Variants in AHDC1 observed in about 807,000 individuals in gnomAD.
The protein encoded by AHDC1 is transcription factor Gibbin.
Under a neutral mutation model 87.9 loss-of-function variants are expected in AHDC1, and 7 were observed. The observed-to-expected ratio is 0.08, with a 90% CI of 0.05 to 0.15. The LOEUF is 0.15. Among genes scored for constraint, AHDC1 ranks in the 10% least tolerant of loss-of-function variants. The pLI, the probability that AHDC1 is intolerant of heterozygous loss-of-function variation, is 1.00. For missense variants in AHDC1, 1,841 were observed against 2,253.2 expected (o/e 0.82, Z 3.70); for synonymous variants, 1,051 against 1,006.8 (o/e 1.04, Z -0.83).
At chr1:27,571,182 G>C (rs894465474) in intron 3 of AHDC1, among the ~76,000 whole-genome samples, 8 of 152,272 alleles carry the variant, frequency 5.3e-5, no homozygotes, top group African/African-American at 1.7e-4. Flanking sequence ...AGGGTATCCA[G>C]AAAGTCCCCA....
chr1:27,559,011 A>C, intron 3 of AHDC1, 128 bp from the exon 4 acceptor site: 49 of 393,824 alleles, frequency 1.2e-4, no homozygotes, highest in Middle Eastern at 6.4e-4. Context: ...CTCCAACCTC[A>C]TCGCATTATC....
Position 27,550,311 on chromosome 1 carries a change from G to A in AHDC1, c.1805C>T (p.Ala602Val), listed in dbSNP as rs1480115188. The change falls in exon 8 of 9, where the codon GCA becomes GTA. Residue 602 changes from alanine (A) to valine (V), a missense_variant. Transcript: ENST00000673934. ...QKLASPQPSYAADANDSKAEY... is the reference protein window; with the variant it reads ...QKLASPQPSYVADANDSKAEY... ...GGCCTTGCTGTCGTTGGCGTCTGCT[G>A]CATAGGATGGCTGGGGAGATGCCAG... 4 of 1,614,114 alleles carry A rather than the reference G, an allele frequency of 2.5e-6. No individual in the cohort carries two copies. Among genetic ancestry groups the A allele is most frequent in the Non-Finnish European group, 3.4e-6 (4 of 1,179,984 alleles).
At chr1:27,599,623 G>C (rs1389565492) in intron 3 of AHDC1, among the ~76,000 whole-genome samples, 1 of 152,200 alleles carries the variant, frequency 6.6e-6, no homozygotes, top group Non-Finnish European at 1.5e-5. Flanking sequence ...CGTCAAACAA[G>C]TGGGGGGCGT....
chr1:27,568,607 C>T (rs1315269201), intron 3 of AHDC1, among the ~76,000 whole-genome samples: 1 of 152,074 alleles, frequency 6.6e-6, no homozygotes, highest in Non-Finnish European at 1.5e-5. Flanking sequence ...CCGCGCGGGC[C>T]GGGCTCCCGG....
At chr1:27,602,718 T>C (rs2148511453) in intron 3 of AHDC1, among the ~76,000 whole-genome samples, 1 of 152,250 alleles carries the variant, frequency 6.6e-6, no homozygotes, top group South Asian at 2.1e-4. Flanking sequence ...CGATTATTTA[T>C]TTATTTATGC....
intron 3 of AHDC1, among the ~76,000 whole-genome samples, chr1:27,601,062 C>T (rs907364792): frequency 3.9e-5 from 6 of 152,206 alleles, no homozygotes; most frequent in African/African-American, 1.4e-4. Context: ...AAACAGCAAG[C>T]TCTTTTTCTT....
intron 3 of AHDC1, among the ~76,000 whole-genome samples, chr1:27,600,224 A>G (rs1473278023): frequency 1.3e-5 from 2 of 151,324 alleles, no homozygotes; most frequent in Admixed American, 6.6e-5. Context: ...ATTAGCAACA[A>G]TGTTACCCTT....
chr1:27,575,470 C>A (rs986599220), intron 3 of AHDC1, among the ~76,000 whole-genome samples: 1 of 152,120 alleles, frequency 6.6e-6, no homozygotes, highest in Non-Finnish European at 1.5e-5. Context: ...GGTCTCCCCC[C>A]ACCACCCTCG....
In AHDC1 at chr1:27,590,879, G is replaced by T. The variant is rs1410183271; in HGVS notation, c.-629+12518C>A. ...GCTGGAGGGAGTGGGGAACAGGCAG[G>T]TGGGCTCCCTCAACCCCCAGCACCT... is the stretch of plus-strand genomic sequence containing the variant. On this transcript the variant is annotated intron_variant, in intron 3 of 8. Coordinates refer to ENST00000673934, the MANE Select transcript of AHDC1 (RefSeq NM_001371928.1). The surrounding 1 kb of genome is among the most constrained non-coding windows in gnomAD (Gnocchi z 5.4). 6.6e-6 allele frequency among the ~76,000 whole-genome samples: 1 copy of T among 152,206 alleles called. No individual in the cohort carries two copies. Among genetic ancestry groups the T allele is most frequent in the Non-Finnish European group, 1.5e-5 (1 of 68,024 alleles).
At chr1:27,568,706 G>A (rs1474658531) in intron 3 of AHDC1, among the ~76,000 whole-genome samples, 1 of 151,826 alleles carries the variant, frequency 6.6e-6, no homozygotes, top group Admixed American at 6.6e-5. Flanking sequence ...CCCGGCCGCG[G>A]CGCGGGTGCC....
chr1:27,547,670 C>A lies in AHDC1; in HGVS notation c.4446G>T (p.Lys1482Asn). The A allele has an allele frequency of 6.3e-7, 1 of 1,596,086 alleles. No homozygotes were observed. Among genetic ancestry groups the A allele is most frequent in the East Asian group, 2.3e-5 (1 of 44,084 alleles). Reference protein sequence around the residue: ...SAARSPPYEGKVGTGLLADFL... With the variant: ...SAARSPPYEGNVGTGLLADFL... ...AGTCAGCCAGCAGCCCTGTACCCAC[C>A]TTGCCTTCATAGGGCGGGCTGCGGG... The change falls in exon 8 of 9, where the codon AAG becomes AAT. Residue 1482 changes from lysine (K) to asparagine (N), a missense_variant. Lys to Asn is a moderately conservative substitution (Grantham distance 94). This residue lies in a region of AHDC1 where 505 missense variants were observed against 626.2 expected (regional missense o/e 0.81). Transcript: ENST00000673934. The surrounding 1 kb of genome is among the most constrained non-coding windows in gnomAD (Gnocchi z 4.9).
rs1195913812 is a variant in AHDC1, at chr1:27,534,261, GTTTTTTT to G, written c.*692_*698del. On this transcript the variant is annotated 3_prime_UTR_variant, in exon 9 of 9. Coordinates refer to ENST00000673934, the MANE Select transcript of AHDC1 (RefSeq NM_001371928.1). ...GACACAAGGTTGGTTTTTTTTTTTT[GTTTTTTT>G]TTTGTTTTTTTTTTGCTTTTTTTCA... 6.7e-5 allele frequency: 6 copies of G among 89,676 alleles called. No individual in the cohort carries two copies. The South Asian group carries it at 1.1e-3, about 16-fold the overall frequency. The allele number at this position is 89,676 out of a possible 1,614,324, so 5.6% of individuals were successfully genotyped here.
At position 27,550,165 on chromosome 1, in the gene AHDC1, CG is replaced by C; in HGVS notation, c.1950del (p.Asp651ThrfsTer81). The C allele has an allele frequency of 1.2e-6, 2 of 1,611,368 alleles. No individual in the cohort carries two copies. The highest frequency in any genetic ancestry group is 8.5e-7 in the Non-Finnish European group (1 of 1,179,858). ...PSEPESVHQA[P>X]DTQSISHFLH... ...AGGAAGTGGGAGATGCTCTGGGTGT[CG>C]GGGGCCTGGTGCACCGACTCCGGCT... is the stretch of plus-strand genomic sequence containing the variant. On this transcript the variant is annotated frameshift_variant, in exon 8 of 9. Coordinates refer to ENST00000673934, the MANE Select transcript of AHDC1 (RefSeq NM_001371928.1). LOFTEE classifies it high-confidence loss of function.
Position 27,549,295 on chromosome 1 carries a change from C to G in AHDC1, c.2821G>C (p.Ala941Pro). ...GGCACCAGCTTGGGGAAGGTCTCGG[C>G]TGCCCGGCAGTCTGAAGCGGCTGGA... ...LTPAASDCRA[A>P]ETFPKLVPPP... The change falls in exon 8 of 9, where the codon GCC becomes CCC. Residue 941 changes from alanine (A) to proline (P), a missense_variant. By Grantham distance (27) the Ala-to-Pro change is conservative. This residue lies in a region of AHDC1 where 378 missense variants were observed against 399.0 expected (regional missense o/e 0.95). Transcript: ENST00000673934. The G allele has an allele frequency of 6.2e-7, 1 of 1,604,502 alleles. No individual in the cohort carries two copies. Among genetic ancestry groups the G allele is most frequent in the Non-Finnish European group, 8.5e-7 (1 of 1,173,452 alleles).
intron 3 of AHDC1, among the ~76,000 whole-genome samples, chr1:27,573,613 G>A (rs546542535): frequency 1.1e-3 from 168 of 152,272 alleles, no homozygotes; most frequent in Non-Finnish European, 1.7e-3. Flanking sequence ...AGAGCTGGTG[G>A]ATGCTCATTC....
rs550990649 is a variant in AHDC1 at position 27,571,407 on chromosome 1, G to A, written c.-628-12524C>T. Among the ~76,000 whole-genome samples the A allele has an allele frequency of 1.9e-4, 29 of 152,278 alleles. No homozygotes were observed. In the South Asian group the frequency reaches 3.9e-3, roughly 21 times the overall value. On this transcript the variant is annotated intron_variant, in intron 3 of 8. Coordinates refer to ENST00000673934, the MANE Select transcript of AHDC1 (RefSeq NM_001371928.1). ...CAGGCTGGGACAAAGAGCCTGGAGC[G>A]GAGCAGAACCCTGAGCTGCAGCAGG... is the stretch of plus-strand genomic sequence containing the variant.
At chr1:27,541,864 A>G (rs1387379943) in intron 8 of AHDC1, among the ~76,000 whole-genome samples, 3 of 152,210 alleles carry the variant, frequency 2.0e-5, no homozygotes, top group Admixed American at 2.0e-4. Flanking sequence ...TCCCAACCTC[A>G]GGTGATCCTC....
At chr1:27,573,409 C>A (rs1268847111) in intron 3 of AHDC1, among the ~76,000 whole-genome samples, 1 of 152,162 alleles carries the variant, frequency 6.6e-6, no homozygotes, top group East Asian at 1.9e-4. Context: ...GGTAAAGACA[C>A]TGGGGAGTAG....
chr1:27,578,559 A>AG (rs1337154167), intron 3 of AHDC1, among the ~76,000 whole-genome samples: 2 of 151,980 alleles, frequency 1.3e-5, no homozygotes, highest in African/African-American at 4.8e-5. Context: ...ACTGCACTCC[A>AG]GTGAGGGCAA....
Sources: allele counts gnomAD v4.1 joint callset (sites outside exome capture counted in the v4.1 genomes callset), GRCh38; gene constraint gnomAD v4.1.1; regional missense constraint gnomAD v4.1.1; non-coding constraint Gnocchi (gnomAD v3.1); transcripts MANE v1.5; gene names NCBI Gene and HGNC (gene_info 2026-07-23, HGNC 2026-07-21).